Variants in CAPN9 observed in about 807,000 individuals in gnomAD.
The protein encoded by CAPN9 is calpain 9.
In CAPN9, 81 loss-of-function variants were observed where a neutral mutation model predicts 92.8. The observed-to-expected ratio is 0.87, with a 90% CI of 0.73 to 1.05. The LOEUF (loss-of-function observed/expected upper bound fraction) is 1.05, where lower values mean the gene tolerates loss of function less well. Among genes scored for constraint, CAPN9 ranks in the 50% least tolerant of loss-of-function variants. The pLI, the probability that CAPN9 is intolerant of heterozygous loss-of-function variation, is 0.00. For missense variants in CAPN9, 848 were observed against 866.2 expected (o/e 0.98, Z 0.26); for synonymous variants, 304 against 328.0 (o/e 0.93, Z 0.79).
intron 1 of CAPN9, among the ~76,000 whole-genome samples, chr1:230,753,941 A>C (rs1665036831): frequency 7.6e-6 from 1 of 131,814 alleles, no homozygotes. Flanking sequence ...GCCTTGCCCC[A>C]TCCCACCCCT....
chr1:230,750,534 C>T (rs573594955), intron 1 of CAPN9, among the ~76,000 whole-genome samples: 6 of 150,908 alleles, frequency 4.0e-5, no homozygotes, highest in South Asian at 2.1e-4. Flanking sequence ...AGCATAGAGT[C>T]GCAGGGAGCC....
chr1:230,762,869 G>GA (rs3215985), intron 4 of CAPN9, 83 bp downstream of exon 4: 417,486 of 1,370,652 alleles, frequency 0.3, 68,458 homozygotes, highest in Non-Finnish European at 0.34. Context: ...TAAGGGCTGG[G>GA]AAAAAATCAG....
chr1:230,776,266 C>T (rs1254301880), intron 8 of CAPN9: 1 of 152,180 alleles, frequency 6.6e-6, no homozygotes, highest in Non-Finnish European at 1.5e-5. Context: ...TTTATAATGG[C>T]ACTAACCCCA....
chr1:230,795,486 C>G (rs1042257498), intron 18 of CAPN9: 10 of 504,796 alleles, frequency 2.0e-5, no homozygotes, highest in Non-Finnish European at 3.6e-5. Context: ...TTAGCATCGC[C>G]TTTCTTTATA....
chr1:230,771,958 GCCAAACCTC>G, intron 6 of CAPN9, 47 bp from the exon 7 acceptor site: 1 of 1,462,530 alleles, frequency 6.8e-7, no homozygotes, highest in Non-Finnish European at 9.6e-7. Context: ...GATGAATGTG[GCCAAACCTC>G]CACCATATTT....
chr1:230,752,615 T>C (rs1664920644), intron 1 of CAPN9: 1 of 930,252 alleles, frequency 1.1e-6, no homozygotes, highest in South Asian at 4.9e-5. Flanking sequence ...GCAGGGAGGA[T>C]GGGAAGGAGG....
At chr1:230,780,410 A>G (rs1272994828) in intron 10 of CAPN9, 74 bp downstream of exon 10, 3 of 1,595,236 alleles carry the variant, frequency 1.9e-6, no homozygotes, top group Non-Finnish European at 2.6e-6. Context: ...TCGGTCTCAC[A>G]CCCGAGACTC....
Position 230,767,665 on chromosome 1 carries a change from G to A in CAPN9, c.661G>A (p.Glu221Lys), listed in dbSNP as rs909510246. The A allele has an allele frequency of 6.2e-7, 1 of 1,613,794 alleles. No homozygotes were observed. The highest frequency in any genetic ancestry group is 1.7e-5 in the Admixed American group (1 of 59,966). The change falls in exon 5 of 20, where the codon GAG becomes AAG. Residue 221 changes from glutamate (E) to lysine (K), a missense_variant. Physicochemically the swap from Glu to Lys is moderately conservative, Grantham distance 56. Transcript: ENST00000271971. The part of the protein sequence containing the change: ...EAPENFYEIL[E>K]KALKRGSLLG... ...CCCCGAGAACTTCTATGAGATTCTAGAGAAGGCTTTGAAGAGAGGCTCCCT... is the reference window on the plus strand; with the variant it reads ...CCCCGAGAACTTCTATGAGATTCTAAAGAAGGCTTTGAAGAGAGGCTCCCT...
At chr1:230,764,434 A>G (rs1037600572) in intron 4 of CAPN9, among the ~76,000 whole-genome samples, 1 of 152,134 alleles carries the variant, frequency 6.6e-6, no homozygotes, top group Non-Finnish European at 1.5e-5. Flanking sequence ...AGGCCTTTGG[A>G]CTCAAACTGA....
intron 11 of CAPN9, among the ~76,000 whole-genome samples, chr1:230,782,785 G>C (rs910710553): frequency 2.6e-5 from 4 of 152,154 alleles, no homozygotes; most frequent in African/African-American, 9.7e-5. Context: ...GGGAGGCCGA[G>C]GCAGGAGGAT....
intron 4 of CAPN9, among the ~76,000 whole-genome samples, chr1:230,764,239 A>T (rs1229265281): frequency 6.6e-6 from 1 of 152,212 alleles, no homozygotes; most frequent in African/African-American, 2.4e-5. Context: ...TGCTGCCACC[A>T]ATGTGGACGA....
rs190059749 is a variant in CAPN9, at chr1:230,777,778, G to C, written c.954-1195G>C. 2.0e-5 allele frequency among the ~76,000 whole-genome samples: 3 copies of C among 152,038 alleles called. No homozygotes were observed. The East Asian group carries it at 5.8e-4, about 30-fold the overall frequency. ...AGGAGCCCTTGACGTGCTGGATTGC[G>C]GGGGACCACACGCCCTGGTGGTCCT... On this transcript the variant is annotated intron_variant, in intron 8 of 19. Coordinates refer to ENST00000271971, the MANE Select transcript of CAPN9 (RefSeq NM_006615.3).
intron 5 of CAPN9, 120 bp downstream of exon 5, chr1:230,767,829 G>T (rs923726865): frequency 6.7e-5 from 63 of 934,808 alleles, no homozygotes; most frequent in Admixed American, 3.1e-4. Context: ...CATAACTCTT[G>T]GGGGCAGTGT....
chr1:230,798,296 G>T, intron 19 of CAPN9, 76 bp downstream of exon 19: 1 of 950,922 alleles, frequency 1.1e-6, no homozygotes. Context: ...GATGTTTGCC[G>T]AATGCTTGAT....
intron 17 of CAPN9, among the ~76,000 whole-genome samples, chr1:230,794,311 G>A (rs1175110951): frequency 5.9e-5 from 9 of 151,886 alleles, no homozygotes; most frequent in East Asian, 5.8e-4. Flanking sequence ...ATGAAACCCC[G>A]CCTCTACTAA....
chr1:230,798,152 C>A lies in CAPN9; in HGVS notation c.1988-10C>A. 1 of 1,594,816 alleles carries A rather than the reference C, an allele frequency of 6.3e-7. No individual in the cohort carries two copies. ...TTAAAAGGATGCCTTTCCCCCTTCT[C>A]TCCTATCAGGGGTGTTCCAGGCTCT... On this transcript the variant is annotated splice_polypyrimidine_tract_variant and intron_variant, in intron 18 of 19. Coordinates refer to ENST00000271971, the MANE Select transcript of CAPN9 (RefSeq NM_006615.3).
At chr1:230,780,081 CGTGTGTGT>C (rs59033537) in intron 9 of CAPN9, 90 bp from the exon 10 acceptor site, 74,865 of 641,626 alleles carry the variant, frequency 0.12, 1,305 homozygotes, top group Non-Finnish European at 0.13. Flanking sequence ...GGTGTATGTG[CGTGTGTGT>C]GTGTGTGTGT....
In CAPN9 at chr1:230,747,516, C is replaced by T. The variant is rs573553589; in HGVS notation, c.20C>T (p.Ala7Val). The change falls in exon 1 of 20, where the codon GCC (alanine) becomes GTC (valine). Residue 7 changes from alanine to valine, a missense_variant. By Grantham distance (64) the Ala-to-Val change is moderately conservative (BLOSUM62 0). Transcript: ENST00000271971. MPYLYR[A>V]PGPQAHPVPK... Reference sequence around the variant, plus strand: ...GCAGCCATGCCTTACCTCTACCGGGCCCCAGGGCCTCAGGCACACCCGGTT... The same window carrying T: ...GCAGCCATGCCTTACCTCTACCGGGTCCCAGGGCCTCAGGCACACCCGGTT... 2.0e-4 allele frequency: 323 copies of T among 1,614,040 alleles called. 1 individual carries two copies. In the South Asian group the frequency reaches 3.1e-3, roughly 16 times the overall value.
At chr1:230,780,430 T>C in intron 10 of CAPN9, 70 bp from the exon 11 acceptor site, 1 of 1,600,150 alleles carries the variant, frequency 6.2e-7, no homozygotes, top group Non-Finnish European at 8.6e-7. Flanking sequence ...CAACCAAGAG[T>C]CCATGAATTG....
Sources: gnomAD v4.1 joint callset for allele counts (sites outside exome capture counted in the v4.1 genomes callset) on GRCh38, gnomAD v4.1.1 for gene constraint, MANE v1.5 for transcripts, NCBI Gene and HGNC (gene_info 2026-07-23, HGNC 2026-07-21) for gene names.